PKLR: variants seen among roughly 807,000 people sequenced by gnomAD.
PKLR encodes the protein pyruvate kinase PKLR.
In PKLR, 38 loss-of-function variants were observed where a neutral mutation model predicts 53.6. The ratio of observed to expected loss-of-function variants is 0.71; its 90% confidence interval spans 0.55 to 0.93. PKLR has a LOEUF of 0.93. Ranked by LOEUF, PKLR falls within the 40% of genes least tolerant of loss-of-function variation. The probability of loss-of-function intolerance (pLI) is 0.00; values close to 1 mark genes in which losing one functional copy is unlikely to be tolerated. For missense variants in PKLR, 702 were observed against 787.3 expected, an observed-to-expected ratio of 0.89 and a Z score of 1.30; for synonymous variants, 328 against 316.2, an observed-to-expected ratio of 1.04 and a Z score of -0.39.
rs1572057410 is a variant in PKLR, at chr1:155,295,564, T to C, written c.380A>G (p.His127Arg). ...LNFSHGSHEY[H>R]AESIANVREA... ...CCGGACGTTGGCGATGGACTCAGCA[T>C]GGTACTGGGGGAGGGAGCGGAGCGA... Residue 127 changes from histidine (H) to arginine (R), a missense_variant, in exon 4 of 11, where the codon CAT becomes CGT. This residue lies in a region of PKLR where 519 missense variants were observed against 537.1 expected (regional missense o/e 0.97). Transcript: ENST00000342741. The surrounding 1 kb of genome is among the most constrained non-coding windows in gnomAD (Gnocchi z 4.3). 1 of 1,614,032 alleles carries C rather than the reference T, an allele frequency of 6.2e-7. No individual in the cohort carries two copies. The highest frequency in any genetic ancestry group is 8.5e-7 in the Non-Finnish European group (1 of 1,179,998).
chr1:155,297,747 T>G (rs1647676926), intron 2 of PKLR, among the ~76,000 whole-genome samples: 1 of 152,184 alleles, frequency 6.6e-6, no homozygotes, highest in African/African-American at 2.4e-5. Context: ...CTGATCTTCC[T>G]GTCCGTACAC....
chr1:155,302,051 C>T (rs993330406), upstream of PKLR, among the ~76,000 whole-genome samples: 2 of 151,240 alleles, frequency 1.3e-5, no homozygotes, highest in Non-Finnish European at 3.0e-5. Flanking sequence ...TTTTCTTTTT[C>T]TTTTTTCTTT....
In PKLR at chr1:155,300,260, G is replaced by A. The variant is rs375189218; in HGVS notation, c.121C>T (p.Arg41Trp). ...APGGPAGYLR[R>W]ASVAQLTQEL... is the part of the protein sequence containing the mutation. ...TGGGTCAGTTGGGCCACACTGGCCCGCCGCAGATACCCCGCTGGCCCTGTG... is the reference window on the plus strand; with the variant it reads ...TGGGTCAGTTGGGCCACACTGGCCCACCGCAGATACCCCGCTGGCCCTGTG... Residue 41 changes from arginine (R) to tryptophan (W), a missense_variant, in exon 2 of 11, where the codon CGG (arginine) becomes TGG (tryptophan). Arg to Trp is a moderately radical substitution (Grantham distance 101). Transcript: ENST00000342741. 201 of 1,599,558 alleles carry A rather than the reference G, an allele frequency of 1.3e-4. No homozygotes were observed. Among genetic ancestry groups the A allele is most frequent in the Non-Finnish European group, 1.1e-4 (130 of 1,173,610 alleles).
chr1:155,299,036 CTTTCT>C (rs1557963540), intron 2 of PKLR, among the ~76,000 whole-genome samples: 1,891 of 58,110 alleles, frequency 0.033, 143 homozygotes, highest in East Asian at 0.21. Flanking sequence ...CTTTCTTTCT[CTTTCT>C]TTCTTTCTTT....
In PKLR at chr1:155,295,647, CG is replaced by C; in HGVS notation, c.375+17del. 6.2e-7 allele frequency: 1 copy of C among 1,614,060 alleles called. No individual in the cohort carries two copies. ...GCATCCTCCTGCCCCACCCACTGCC[CG>C]GCGGCCCGTCCCGCACCTCGTGGGA... On this transcript the variant is annotated intron_variant, in intron 3 of 10. Transcript: ENST00000342741. The surrounding 1 kb of genome is among the most constrained non-coding windows in gnomAD (Gnocchi z 4.3).
intron 10 of PKLR, 125 bp downstream of exon 10, chr1:155,291,631 A>T: frequency 1.2e-6 from 1 of 811,372 alleles, no homozygotes; most frequent in Non-Finnish European, 2.2e-6. Context: ...AGTCTTAGTG[A>T]CTCTCACAGG....
In PKLR at chr1:155,290,494, G is replaced by T; in HGVS notation, c.*78C>A. 1.2e-6 allele frequency: 1 copy of T among 845,540 alleles called. No individual in the cohort carries two copies. The highest frequency in any genetic ancestry group is 2.0e-6 in the Non-Finnish European group (1 of 495,898). 52.4% of individuals were successfully genotyped at this position (845,540 alleles called of 1,614,324 possible). A position where few individuals can be genotyped will look rare whatever the true frequency, so the allele number is the denominator to read the frequency against. On this transcript the variant is annotated 3_prime_UTR_variant, in exon 11 of 11. Transcript: ENST00000342741. ...GACTTAAAGGTGGGGCTTTGGAGGG[G>T]TGTGGGCTGGAGAACGTAGACTGGG...
rs1277782124 is a variant in PKLR, at chr1:155,294,780, G to A, written c.695-28C>T. The A allele has an allele frequency of 5.6e-6, 9 of 1,613,288 alleles. 1 individual carries two copies. The South Asian group carries it at 9.9e-5, about 18-fold the overall frequency. On this transcript the variant is annotated intron_variant, in intron 5 of 10. Coordinates refer to ENST00000342741, the MANE Select transcript of PKLR (RefSeq NM_000298.6). ...GCGGACATGGAAAGAGCCAGCTGCGGTCAGGGGTGAGGACGGGGCACAGTT... is the reference window on the plus strand; with the variant it reads ...GCGGACATGGAAAGAGCCAGCTGCGATCAGGGGTGAGGACGGGGCACAGTT...
Position 155,290,669 on chromosome 1 carries a change from C to T in PKLR, c.1628G>A (p.Arg543His), listed in dbSNP as rs752328700. ...CAGGTCTCCAACACGGAGGAAGCCA[C>T]GGAGCTTTCCTGGGGGAGGGAAAGA... ...VQFGIESGKLRGFLRVGDLVI... is the reference protein window; with the variant it reads ...VQFGIESGKLHGFLRVGDLVI... Residue 543 changes from arginine to histidine, a missense_variant, in exon 11 of 11, where the codon CGT (arginine) becomes CAT (histidine). Arg to His is a conservative substitution (Grantham distance 29). Transcript: ENST00000342741. 1.3e-5 allele frequency: 21 copies of T among 1,607,228 alleles called. No homozygotes were observed. Among genetic ancestry groups the T allele is most frequent in the Admixed American group, 1.7e-5 (1 of 59,980 alleles).
At chr1:155,304,044 TA>T (rs1476926792), upstream of PKLR, among the ~76,000 whole-genome samples, 1 of 152,082 alleles carries the variant, frequency 6.6e-6, no homozygotes, top group Non-Finnish European at 1.5e-5. Flanking sequence ...ATAGTGAAGA[TA>T]GGGGACCTGA....
rs765024950 is a variant in PKLR at position 155,291,928 on chromosome 1, C to T, written c.1446G>A (p.Gln482=). 1.9e-6 allele frequency: 3 copies of T among 1,613,050 alleles called. No individual in the cohort carries two copies. In the South Asian group the frequency reaches 3.3e-5, roughly 18 times the overall value. The change falls in exon 10 of 11, where the codon CAG becomes CAA. Residue 482 remains glutamine, a synonymous_variant. Transcript: ENST00000342741. ...IVLTTTGRSA[Q]LLSRYRPRAA... The stretch of plus-strand genomic sequence containing the variant: ...CCCGAGGTCGGTACCGAGACAGAAG[C>T]TGGGCTGAGCTGGAGGAGGCAGAGA...
the PKLR span, chr1:155,308,408 A>G: frequency 3.4e-6 from 1 of 296,082 alleles, no homozygotes; most frequent in South Asian, 1.3e-4. Flanking sequence ...CTTTGCACAC[A>G]TTACCTCATG....
intron 1 of PKLR, chr1:155,301,053 T>C: frequency 1.3e-6 from 2 of 1,539,852 alleles, no homozygotes; most frequent in Non-Finnish European, 1.8e-6. Context: ...GGGGCCAGAG[T>C]CCAGGAACCA....
chr1:155,294,795 G>C (rs199864310), intron 5 of PKLR, 43 bp from the exon 6 acceptor site: 30 of 1,611,300 alleles, frequency 1.9e-5, no homozygotes, highest in Non-Finnish European at 2.4e-5. Context: ...GGGTGAGGAC[G>C]GGGCACAGTT....
At chr1:155,291,549 A>C (rs1674543824) in intron 10 of PKLR, among the ~76,000 whole-genome samples, 2 of 151,874 alleles carry the variant, frequency 1.3e-5, no homozygotes, top group African/African-American at 4.8e-5. Context: ...TGTGTTGCTA[A>C]GTAGCACGGC....
At chr1:155,290,724 C>T in intron 10 of PKLR, 46 bp from the exon 11 acceptor site, 6 of 1,169,606 alleles carry the variant, frequency 5.1e-6, no homozygotes, top group Non-Finnish European at 7.7e-6. Context: ...TGTGGTGGCT[C>T]ACACCTGTAA....
intron 9 of PKLR, among the ~76,000 whole-genome samples, chr1:155,292,543 A>G (rs139885057): frequency 0.022 from 3,387 of 152,290 alleles, 129 homozygotes; most frequent in African/African-American, 0.078. Flanking sequence ...AGGCTGAGGC[A>G]GGAGAATCAC....
chr1:155,303,106 C>T (rs1648120397), upstream of PKLR, among the ~76,000 whole-genome samples: 1 of 152,234 alleles, frequency 6.6e-6, no homozygotes, highest in Admixed American at 6.5e-5. Context: ...CCCTTTGTCC[C>T]ATTGTCCACA....
upstream of PKLR, among the ~76,000 whole-genome samples, chr1:155,302,954 A>G (rs150016060): frequency 4.8e-4 from 73 of 152,254 alleles, no homozygotes; most frequent in African/African-American, 1.7e-3. Context: ...TTGAACACCT[A>G]TGCTCAAGTG....
Sources: allele counts gnomAD v4.1 joint callset (sites outside exome capture counted in the v4.1 genomes callset), GRCh38; gene constraint gnomAD v4.1.1; regional missense constraint gnomAD v4.1.1; non-coding constraint Gnocchi (gnomAD v3.1); transcripts MANE v1.5; gene names NCBI Gene and HGNC (gene_info 2026-07-23, HGNC 2026-07-21).